MDFIC2: variants seen among roughly 807,000 people sequenced by gnomAD.
MDFIC2 encodes MyoD family inhibitor domain containing 2.
At chr3:70,226,227 T>G (rs1298915024) in intron 2 of MDFIC2, among the ~76,000 whole-genome samples, 1 of 152,188 alleles carries the variant, frequency 6.6e-6, no homozygotes, top group African/African-American at 2.4e-5. Flanking sequence ...TACTAGCTGC[T>G]GGTAGATAAT....
chr3:70,300,061 T>A (rs1702332843), intron 2 of MDFIC2, among the ~76,000 whole-genome samples: 1 of 152,126 alleles, frequency 6.6e-6, no homozygotes, highest in Non-Finnish European at 1.5e-5. Context: ...TACCCATGAT[T>A]TATAGCCCAG....
In MDFIC2 at chr3:70,237,979, CTTTTTTTTTTTTT is replaced by C. The variant is rs71672662; in HGVS notation, c.89-31202_89-31190del. Among the ~76,000 whole-genome samples, 9 of 48,942 alleles carry C rather than the reference CTTTTTTTTTTTTT, an allele frequency of 1.8e-4. No individual in the cohort carries two copies. The East Asian group carries it at 5.0e-3, about 27-fold the overall frequency. 32.1% of individuals were successfully genotyped at this position (48,942 alleles called of 152,430 possible). ...GGAAAAGAAACTAATTGAGTGGTAT[CTTTTTTTTTTTTT>C]TTTTTTTTTTTTTGCCTGTCCAGGA... is the stretch of plus-strand genomic sequence containing the variant. On this transcript the variant is annotated intron_variant, in intron 2 of 3. Coordinates refer to ENST00000567252, the MANE Select transcript of MDFIC2 (RefSeq NM_001364677.1).
intron 2 of MDFIC2, among the ~76,000 whole-genome samples, chr3:70,280,634 T>G (rs1481655132): frequency 1.3e-5 from 2 of 152,150 alleles, no homozygotes. Flanking sequence ...TCCTCCTTTC[T>G]CTCAGTCTCA....
chr3:70,206,872 C>T, intron 2 of MDFIC2, 82 bp from the exon 3 acceptor site: 1 of 395,850 alleles, frequency 2.5e-6, no homozygotes, highest in Non-Finnish European at 4.5e-6. Context: ...GAAATTTTCA[C>T]ATTTGACTTT....
intron 2 of MDFIC2, among the ~76,000 whole-genome samples, chr3:70,222,077 C>T (rs555549302): frequency 2.0e-5 from 3 of 152,128 alleles, no homozygotes; most frequent in Non-Finnish European, 2.9e-5. Context: ...CATTGCCACA[C>T]CCACCCTTTA....
intron 2 of MDFIC2, among the ~76,000 whole-genome samples, chr3:70,307,507 C>A (rs1359494626): frequency 6.6e-6 from 1 of 152,078 alleles, no homozygotes; most frequent in Non-Finnish European, 1.5e-5. Context: ...TGTAATTTCC[C>A]CCCCCAATTT....
intron 2 of MDFIC2, among the ~76,000 whole-genome samples, chr3:70,262,132 G>C (rs1017264831): frequency 6.6e-6 from 1 of 152,098 alleles, no homozygotes; most frequent in Non-Finnish European, 1.5e-5. Flanking sequence ...TGTGTGTTGA[G>C]CAGCAAGGCC....
At chr3:70,213,285 T>C (rs572713589) in intron 2 of MDFIC2, among the ~76,000 whole-genome samples, 2 of 152,158 alleles carry the variant, frequency 1.3e-5, no homozygotes, top group Non-Finnish European at 2.9e-5. Flanking sequence ...CCAAGTTGCC[T>C]GTGGAAACAG....
In MDFIC2 at chr3:70,194,524, A is replaced by C. The variant is rs767409221; in HGVS notation, c.*2402T>G. ...TTTTATTATTGGTTATAAAGAAAAG[A>C]AATTTCACACTTTGTATAACCGACC... On this transcript the variant is annotated 3_prime_UTR_variant, in exon 4 of 4. Coordinates refer to ENST00000567252, the MANE Select transcript of MDFIC2 (RefSeq NM_001364677.1). Among the ~76,000 whole-genome samples, 5 of 152,236 alleles carry C rather than the reference A, an allele frequency of 3.3e-5. No homozygotes were observed. The highest frequency in any genetic ancestry group is 5.9e-5 in the Non-Finnish European group (4 of 68,046).
chr3:70,241,577 T>TCATTTTAGA (rs1701667679), intron 2 of MDFIC2, among the ~76,000 whole-genome samples: 1 of 152,182 alleles, frequency 6.6e-6, no homozygotes, highest in African/African-American at 2.4e-5. Context: ...AGTATTTTTC[T>TCATTTTAGA]CATTTTAGAG....
chr3:70,299,128 T>G (rs781678710), intron 2 of MDFIC2, among the ~76,000 whole-genome samples: 3 of 152,112 alleles, frequency 2.0e-5, no homozygotes, highest in Non-Finnish European at 4.4e-5. Context: ...TGAAGCAGCC[T>G]GAATATCCAA....
intron 2 of MDFIC2, among the ~76,000 whole-genome samples, chr3:70,274,056 C>CGTGTGT (rs111792704): frequency 0.051 from 7,235 of 142,766 alleles, 205 homozygotes; most frequent in Middle Eastern, 0.092. Context: ...ATTAAACCTC[C>CGTGTGT]GTGTGTGTGT....
intron 2 of MDFIC2, among the ~76,000 whole-genome samples, chr3:70,270,559 A>C (rs1701966585): frequency 6.6e-6 from 1 of 152,148 alleles, no homozygotes; most frequent in Non-Finnish European, 1.5e-5. Context: ...TCTTAGTCTG[A>C]GTTCAGTGTT....
chr3:70,273,425 T>C (rs988469218), intron 2 of MDFIC2, among the ~76,000 whole-genome samples: 1 of 152,228 alleles, frequency 6.6e-6, no homozygotes, highest in Non-Finnish European at 1.5e-5. Context: ...CACAGAATTG[T>C]TTCTCTCCAG....
In MDFIC2 at chr3:70,195,050, G is replaced by T. The variant is rs1327793279; in HGVS notation, c.*1876C>A. 1.6e-4 allele frequency among the ~76,000 whole-genome samples: 25 copies of T among 152,144 alleles called. No homozygotes were observed. Among genetic ancestry groups the T allele is most frequent in the Admixed American group, 1.4e-3 (22 of 15,266 alleles). ...CCAGCTGGACTGAGAATTGGGTAGTGCAGGTAGTCAGAAAATTAGAACCCA... is the reference window on the plus strand; with the variant it reads ...CCAGCTGGACTGAGAATTGGGTAGTTCAGGTAGTCAGAAAATTAGAACCCA... On this transcript the variant is annotated 3_prime_UTR_variant, in exon 4 of 4. Transcript: ENST00000567252.
At chr3:70,250,402 T>C (rs2106650538) in intron 2 of MDFIC2, among the ~76,000 whole-genome samples, 1 of 140,526 alleles carries the variant, frequency 7.1e-6, no homozygotes, top group African/African-American at 2.7e-5. Context: ...ATTTTTCTTT[T>C]AATGAATCTC....
At chr3:70,232,964 A>T (rs1208912182) in intron 2 of MDFIC2, among the ~76,000 whole-genome samples, 1 of 152,166 alleles carries the variant, frequency 6.6e-6, no homozygotes, top group Non-Finnish European at 1.5e-5. Flanking sequence ...CAAGGGAGGC[A>T]GATCGCTTGA....
intron 2 of MDFIC2, among the ~76,000 whole-genome samples, chr3:70,240,968 AGCTCATC>A (rs1701662128): frequency 6.6e-6 from 1 of 152,170 alleles, no homozygotes; most frequent in Non-Finnish European, 1.5e-5. Flanking sequence ...ATAGCTTACT[AGCTCATC>A]TTGGCCTTTC....
At chr3:70,208,627 C>T (rs1265371364) in intron 2 of MDFIC2, among the ~76,000 whole-genome samples, 2 of 151,976 alleles carry the variant, frequency 1.3e-5, no homozygotes, top group South Asian at 2.1e-4. Flanking sequence ...TTGGGAACCA[C>T]GATGCCAGGG....
Sources: gnomAD v4.1 joint callset for allele counts (sites outside exome capture counted in the v4.1 genomes callset) on GRCh38, gnomAD v4.1.1 for gene constraint, MANE v1.5 for transcripts, NCBI Gene and HGNC (gene_info 2026-07-23, HGNC 2026-07-21) for gene names.